The following SIK2 variants were observed in gnomAD, a reference collection of about 807,000 sequenced individuals.
SIK2 encodes salt inducible kinase 2.
In SIK2, 29 loss-of-function variants were observed where a neutral mutation model predicts 103.2. The ratio of observed to expected loss-of-function variants is 0.28; its 90% CI spans 0.21 to 0.38. The LOEUF (loss-of-function observed/expected upper bound fraction) is 0.38. Ranked by LOEUF, SIK2 falls within the 10% of genes least tolerant of loss-of-function variation. The probability of loss-of-function intolerance (pLI) is 1.00; values close to 1 mark genes in which losing one functional copy is unlikely to be tolerated. For missense variants in SIK2, 879 were observed against 1,171.0 expected (o/e 0.75, Z 3.64); for synonymous variants, 412 against 446.1 (o/e 0.92, Z 0.96).
At chr11:111,625,480 A>G (rs1303507653) in intron 3 of SIK2, among the ~76,000 whole-genome samples, 3 of 152,320 alleles carry the variant, frequency 2.0e-5, no homozygotes, top group Non-Finnish European at 4.4e-5. Flanking sequence ...TGAGGCATTT[A>G]AACATTAAAA....
intron 3 of SIK2, among the ~76,000 whole-genome samples, chr11:111,630,110 T>C (rs1392785109): frequency 2.0e-5 from 3 of 152,160 alleles, no homozygotes; most frequent in Non-Finnish European, 4.4e-5. Context: ...GAACAAATCG[T>C]AGTATAGTAA....
intron 4 of SIK2, among the ~76,000 whole-genome samples, chr11:111,695,393 A>G (rs1052912721): frequency 3.9e-5 from 6 of 152,096 alleles, no homozygotes; most frequent in African/African-American, 9.7e-5. Flanking sequence ...TTGGTTTTCA[A>G]TGTTTTGTGT....
In SIK2 at chr11:111,701,698, T is replaced by C; in HGVS notation, c.727+123T>C. 7.8e-7 allele frequency: 1 copy of C among 1,275,318 alleles called. No individual in the cohort carries two copies. The highest frequency in any genetic ancestry group is 1.1e-6 in the Non-Finnish European group (1 of 941,368). The allele number at this position is 1,275,318 out of a possible 1,614,324, so 79.0% of individuals were successfully genotyped here. On this transcript the variant is annotated intron_variant, in intron 6 of 14. Coordinates refer to ENST00000304987, the MANE Select transcript of SIK2 (RefSeq NM_015191.3). The surrounding 1 kb of genome is among the most constrained non-coding windows in gnomAD (Gnocchi z 4.2). ...CCAAATAAAGTGACTGAGCTGTAGGTTAAAAGCTATAGAAAGAAGCAACCT... is the reference window on the plus strand; with the variant it reads ...CCAAATAAAGTGACTGAGCTGTAGGCTAAAAGCTATAGAAAGAAGCAACCT...
intron 3 of SIK2, among the ~76,000 whole-genome samples, chr11:111,678,125 C>T (rs544580085): frequency 4.3e-4 from 65 of 152,120 alleles, no homozygotes; most frequent in Non-Finnish European, 6.5e-4. Context: ...GTTTTGTGAA[C>T]GTGCTGCACC....
chr11:111,637,333 C>T (rs1942121645), intron 3 of SIK2, among the ~76,000 whole-genome samples: 1 of 151,040 alleles, frequency 6.6e-6, no homozygotes, highest in Non-Finnish European at 1.5e-5. Flanking sequence ...TTTTTTTAGT[C>T]TAAAATTTAT....
chr11:111,701,313 T>C lies in SIK2; in HGVS notation c.604-139T>C. The C allele has an allele frequency of 8.2e-7, 1 of 1,224,360 alleles. No homozygotes were observed. Among genetic ancestry groups the C allele is most frequent in the Non-Finnish European group, 1.1e-6 (1 of 900,542 alleles). 75.8% of individuals were successfully genotyped at this position (1,224,360 alleles called of 1,614,324 possible). On this transcript the variant is annotated intron_variant, in intron 5 of 14. Transcript: ENST00000304987. The surrounding 1 kb of genome is among the most constrained non-coding windows in gnomAD (Gnocchi z 4.2). ...TGTAGTAGTCAGGGTTTTGGATTTT[T>C]TTCAAATTCTGAGAAAATAATAAAT...
At chr11:111,615,198 C>T (rs779311108) in intron 1 of SIK2, among the ~76,000 whole-genome samples, 2 of 151,458 alleles carry the variant, frequency 1.3e-5, no homozygotes, top group Non-Finnish European at 2.9e-5. Flanking sequence ...CACCTGTAAT[C>T]CCAGCACTTT....
At chr11:111,667,766 T>G (rs1401598423) in intron 3 of SIK2, among the ~76,000 whole-genome samples, 2 of 152,180 alleles carry the variant, frequency 1.3e-5, no homozygotes, top group Non-Finnish European at 2.9e-5. Context: ...GTGCTGGGAT[T>G]ATAGATGTGA....
At chr11:111,617,036 A>G (rs1941816089) in intron 2 of SIK2, among the ~76,000 whole-genome samples, 1 of 152,182 alleles carries the variant, frequency 6.6e-6, no homozygotes, top group South Asian at 2.1e-4. Flanking sequence ...TATTTGGCTT[A>G]TTTTAGTAGA....
intron 3 of SIK2, among the ~76,000 whole-genome samples, chr11:111,661,193 T>TATTTATG (rs1942462999): frequency 6.6e-6 from 1 of 152,194 alleles, no homozygotes; most frequent in African/African-American, 2.4e-5. Flanking sequence ...TATTTATGCA[T>TATTTATG]CACAAGGAAT....
At chr11:111,618,787 G>A (rs757494812) in intron 2 of SIK2, among the ~76,000 whole-genome samples, 1 of 152,170 alleles carries the variant, frequency 6.6e-6, no homozygotes, top group Non-Finnish European at 1.5e-5. Flanking sequence ...GTGGGGTGCA[G>A]TGGCACAATC....
chr11:111,617,362 A>C (rs936679870), intron 2 of SIK2, among the ~76,000 whole-genome samples: 1 of 152,176 alleles, frequency 6.6e-6, no homozygotes, highest in Non-Finnish European at 1.5e-5. Context: ...TAACATGTAG[A>C]ATTTTTCTGT....
chr11:111,614,874 C>T (rs955741338), intron 1 of SIK2, among the ~76,000 whole-genome samples: 2 of 152,192 alleles, frequency 1.3e-5, no homozygotes, highest in Admixed American at 1.3e-4. Flanking sequence ...CACAGTGGCT[C>T]ACGCCTGAAA....
chr11:111,647,443 G>A (rs1183442657), intron 3 of SIK2, among the ~76,000 whole-genome samples: 7 of 150,034 alleles, frequency 4.7e-5, no homozygotes, highest in South Asian at 4.2e-4. Context: ...GCAACATGGC[G>A]AAATCCCACA....
intron 3 of SIK2, among the ~76,000 whole-genome samples, chr11:111,670,296 A>C (rs922547440): frequency 1.3e-5 from 2 of 152,228 alleles, no homozygotes; most frequent in African/African-American, 4.8e-5. Flanking sequence ...CAACCTAACT[A>C]TAGTAGTTTA....
At chr11:111,673,373 A>G (rs1942654340) in intron 3 of SIK2, among the ~76,000 whole-genome samples, 2 of 152,236 alleles carry the variant, frequency 1.3e-5, no homozygotes, top group African/African-American at 4.8e-5. Context: ...CTGTTTTGGC[A>G]CATTACTGCT....
intron 1 of SIK2, among the ~76,000 whole-genome samples, chr11:111,604,788 GT>G (rs1941626631): frequency 6.6e-6 from 1 of 152,146 alleles, no homozygotes; most frequent in African/African-American, 2.4e-5. Flanking sequence ...TAAAGAAGCT[GT>G]TATTAACATA....
At chr11:111,622,175 A>G (rs1245780050) in intron 3 of SIK2, among the ~76,000 whole-genome samples, 1 of 146,582 alleles carries the variant, frequency 6.8e-6, no homozygotes, top group Non-Finnish European at 1.5e-5. Context: ...TGCAGCTACC[A>G]TTTCTGCATT....
At chr11:111,653,208 A>G (rs1942349277) in intron 3 of SIK2, among the ~76,000 whole-genome samples, 1 of 152,216 alleles carries the variant, frequency 6.6e-6, no homozygotes, top group African/African-American at 2.4e-5. Context: ...ATCCAACAGT[A>G]AAGGTAATGG....
Sources: allele counts gnomAD v4.1 joint callset (sites outside exome capture counted in the v4.1 genomes callset), GRCh38; gene constraint gnomAD v4.1.1; non-coding constraint Gnocchi (gnomAD v3.1); transcripts MANE v1.5; gene names NCBI Gene and HGNC (gene_info 2026-07-23, HGNC 2026-07-21).